The following RIPOR2 variants were observed in gnomAD, a reference collection of about 807,000 sequenced individuals.
RIPOR2 encodes the protein rho family-interacting cell polarization regulator 2.
A neutral mutation model predicts 114.5 loss-of-function variants in RIPOR2; 39 were observed. That is an observed-to-expected ratio of 0.34 (90% CI 0.26 to 0.44). The LOEUF (loss-of-function observed/expected upper bound fraction) is 0.44. Ranked by LOEUF, RIPOR2 falls within the 20% of genes least tolerant of loss-of-function variation. RIPOR2 has a pLI of 1.00. For missense variants in RIPOR2, 1,007 were observed against 1,255.1 expected, an observed-to-expected ratio of 0.80 and a Z score of 2.99; for synonymous variants, 445 against 484.4, an observed-to-expected ratio of 0.92 and a Z score of 1.07.
Position 24,809,759 on chromosome 6 carries a change from C to T in RIPOR2, c.3001G>A (p.Glu1001Lys), listed in dbSNP as rs368230036. The T allele has an allele frequency of 1.3e-6, 2 of 1,551,076 alleles. No homozygotes were observed. Among genetic ancestry groups the T allele is most frequent in the Non-Finnish European group, 1.7e-6 (2 of 1,146,402 alleles). ...TCTGAGGCCACATTTCTGATTTCTTCAGTATCAGATTGACACAATGTCACC... is the reference window on the plus strand; with the variant it reads ...TCTGAGGCCACATTTCTGATTTCTTTAGTATCAGATTGACACAATGTCACC... ...MLVTLCQSDTEEIRNVASETL... is the reference protein window; with the variant it reads ...MLVTLCQSDTKEIRNVASETL... Residue 1001 changes from glutamate (E) to lysine (K), a missense_variant, in exon 21 of 22, where the codon GAA (glutamate) becomes AAA (lysine). By Grantham distance (56) the Glu-to-Lys change is moderately conservative (BLOSUM62 1). Transcript: ENST00000643898.
At chr6:24,977,026 A>G in intron 1 of RIPOR2, 2 of 1,443,656 alleles carry the variant, frequency 1.4e-6, no homozygotes, top group African/African-American at 1.4e-5. Context: ...TTCCTTCTGT[A>G]GCTCAGGAGA....
At chr6:24,809,636 AGAAGGGAACATCT>A in intron 21 of RIPOR2, 68 bp downstream of exon 21, 1 of 940,144 alleles carries the variant, frequency 1.1e-6, no homozygotes, top group Non-Finnish European at 1.7e-6. Flanking sequence ...TCCTTACTGG[AGAAGGGAACATCT>A]AAATGGGAAC....
chr6:24,934,611 T>G (rs1291803847), intron 1 of RIPOR2, among the ~76,000 whole-genome samples: 1 of 152,216 alleles, frequency 6.6e-6, no homozygotes, highest in Non-Finnish European at 1.5e-5. Context: ...ACCTTACTAC[T>G]GTTCCTTTTA....
At chr6:24,900,215 T>A (rs1369885435) in intron 1 of RIPOR2, among the ~76,000 whole-genome samples, 1 of 152,142 alleles carries the variant, frequency 6.6e-6, no homozygotes, top group East Asian at 1.9e-4. Flanking sequence ...AGTCTGTGTA[T>A]TTACATCCAC....
At chr6:24,844,307 C>T (rs1186555067) in intron 12 of RIPOR2, among the ~76,000 whole-genome samples, 1 of 152,068 alleles carries the variant, frequency 6.6e-6, no homozygotes, top group African/African-American at 2.4e-5. Context: ...AAGAGAGAGG[C>T]CAGAAATATC....
chr6:24,905,804 T>C (rs546308774), intron 1 of RIPOR2, among the ~76,000 whole-genome samples: 1 of 152,356 alleles, frequency 6.6e-6, no homozygotes, highest in South Asian at 2.1e-4. Flanking sequence ...TGCTTTTGTA[T>C]TTCTCAGGTA....
Position 24,831,916 on chromosome 6 carries a change from C to T in RIPOR2, c.2344+340G>A, listed in dbSNP as rs1165198843. On this transcript the variant is annotated intron_variant, in intron 16 of 21. Transcript: ENST00000643898. ...TCACTACAGGAGTTGTCTTAGCCAC[C>T]TCCAGGGTGCAAGAGCATCCTATAG... Among the ~76,000 whole-genome samples, 4 of 152,164 alleles carry T rather than the reference C, an allele frequency of 2.6e-5. No homozygotes were observed. The East Asian group carries it at 5.8e-4, about 22-fold the overall frequency.
chr6:24,975,229 T>G (rs531609392), intron 1 of RIPOR2, among the ~76,000 whole-genome samples: 2 of 152,206 alleles, frequency 1.3e-5, no homozygotes, highest in Non-Finnish European at 2.9e-5. Flanking sequence ...TACTAACTTT[T>G]AATTGTAGAA....
At chr6:24,821,764 G>GTCCCTGAAGTGCCACTTGCCA (rs1442806675) in intron 19 of RIPOR2, among the ~76,000 whole-genome samples, 2 of 152,196 alleles carry the variant, frequency 1.3e-5, no homozygotes, top group Non-Finnish European at 2.9e-5. Flanking sequence ...CAAGGTGACT[G>GTCCCTGAAGTGCCACTTGCCA]TCCCTGAAGT....
rs757874626 is a variant in RIPOR2, at chr6:24,870,896, TA to T, written c.424-8del. Reference sequence around the variant, plus strand: ...CTAGGTCATACAGTACACCCTACAATAAAAAAAGGAATATCTGCATTTAAAC... The same window carrying T: ...CTAGGTCATACAGTACACCCTACAATAAAAAAGGAATATCTGCATTTAAAC... On this transcript the variant is annotated splice_polypyrimidine_tract_variant and splice_region_variant and intron_variant, in intron 4 of 21. Coordinates refer to ENST00000643898, the MANE Select transcript of RIPOR2 (RefSeq NM_001286445.3). 2.4e-5 allele frequency: 38 copies of T among 1,579,548 alleles called. No homozygotes were observed. Among genetic ancestry groups the T allele is most frequent in the Admixed American group, 3.7e-5 (2 of 53,698 alleles).
At chr6:24,927,998 CAG>C (rs1235114026) in intron 1 of RIPOR2, among the ~76,000 whole-genome samples, 1 of 152,188 alleles carries the variant, frequency 6.6e-6, no homozygotes, top group Non-Finnish European at 1.5e-5. Context: ...AAGCTGTTTG[CAG>C]AGCAACACGT....
intron 1 of RIPOR2, among the ~76,000 whole-genome samples, chr6:24,970,684 T>C (rs1455945509): frequency 6.6e-6 from 1 of 152,098 alleles, no homozygotes; most frequent in Non-Finnish European, 1.5e-5. Context: ...TGTGAGTGTG[T>C]ATTTAAGGAA....
intron 8 of RIPOR2, among the ~76,000 whole-genome samples, chr6:24,859,600 C>T (rs193021124): frequency 1.3e-5 from 2 of 152,258 alleles, no homozygotes; most frequent in Non-Finnish European, 2.9e-5. Flanking sequence ...TGAAACTTAA[C>T]ACTGAATACT....
intron 1 of RIPOR2, among the ~76,000 whole-genome samples, chr6:24,893,012 C>A (rs1006358991): frequency 1.2e-4 from 18 of 152,152 alleles, no homozygotes; most frequent in Admixed American, 3.3e-4. Flanking sequence ...GCGTGGGCAA[C>A]AGAGTGAGAC....
intron 1 of RIPOR2, among the ~76,000 whole-genome samples, chr6:24,992,182 C>T (rs755941652): frequency 2.6e-5 from 4 of 152,142 alleles, no homozygotes; most frequent in Non-Finnish European, 4.4e-5. Flanking sequence ...AAACAAGGTA[C>T]TATAGGAGGA....
At chr6:24,831,664 A>T (rs535095195) in intron 16 of RIPOR2, among the ~76,000 whole-genome samples, 79 of 152,288 alleles carry the variant, frequency 5.2e-4, no homozygotes, top group Non-Finnish European at 9.1e-4. Context: ...TTAATCAGAG[A>T]TTATCTGGAA....
At chr6:24,950,028 T>G (rs541832840) in intron 1 of RIPOR2, among the ~76,000 whole-genome samples, 36 of 152,314 alleles carry the variant, frequency 2.4e-4, no homozygotes, top group South Asian at 1.9e-3. Context: ...GATGACCTAG[T>G]GTCAAAAACG....
rs144467451 is a variant in RIPOR2 at position 24,878,620 on chromosome 6, G to A, written c.62-2803C>T. 5.4e-4 allele frequency among the ~76,000 whole-genome samples: 82 copies of A among 152,022 alleles called. 1 individual carries two copies. The highest frequency in any genetic ancestry group is 1.6e-3 in the African/African-American group (66 of 41,440). On this transcript the variant is annotated intron_variant, in intron 1 of 21. Transcript: ENST00000643898. Reference sequence around the variant, plus strand: ...TTGGATCACGGTAGTTTAAACTACTGATGCCTGGCTCCTATCCCCAGGCAC... The same window carrying A: ...TTGGATCACGGTAGTTTAAACTACTAATGCCTGGCTCCTATCCCCAGGCAC...
At chr6:25,002,719 G>C (rs997058637) in intron 1 of RIPOR2, among the ~76,000 whole-genome samples, 3 of 152,200 alleles carry the variant, frequency 2.0e-5, no homozygotes, top group Admixed American at 1.3e-4. Flanking sequence ...AATGAAAGCA[G>C]GGACTCAGCT....
Sources: gnomAD v4.1 joint callset for allele counts (sites outside exome capture counted in the v4.1 genomes callset) on GRCh38, gnomAD v4.1.1 for gene constraint, MANE v1.5 for transcripts, NCBI Gene and HGNC (gene_info 2026-07-23, HGNC 2026-07-21) for gene names.